Variants in AUTS2 observed in about 807,000 individuals in gnomAD.
AUTS2 encodes activator of transcription and developmental regulator AUTS2.
In AUTS2, 17 loss-of-function variants were observed where a neutral mutation model predicts 112.4. The observed-to-expected ratio is 0.15, with a 90% CI of 0.10 to 0.23. AUTS2 has a LOEUF of 0.23. Ranked by LOEUF, AUTS2 falls within the 10% of genes least tolerant of loss-of-function variation. The pLI, the probability that AUTS2 is intolerant of heterozygous loss-of-function variation, is 1.00. For synonymous variants in AUTS2, 751 were observed against 702.7 expected (o/e 1.07, Z -1.09); for missense variants, 1,510 against 1,701.6 (o/e 0.89, Z 1.98).
At chr7:70,765,085 A>C (rs1378206052) in intron 8 of AUTS2, 80 bp downstream of exon 8, 2 of 1,540,538 alleles carry the variant, frequency 1.3e-6, no homozygotes, top group East Asian at 4.7e-5. Flanking sequence ...TGTTGTCCCG[A>C]TTGCAAGGTT....
At chr7:70,604,780 T>A (rs1439645367) in intron 5 of AUTS2, among the ~76,000 whole-genome samples, 1 of 152,158 alleles carries the variant, frequency 6.6e-6, no homozygotes, top group Non-Finnish European at 1.5e-5. Flanking sequence ...AGCTCTGCCT[T>A]CTGGTACCTT....
intron 5 of AUTS2, among the ~76,000 whole-genome samples, chr7:70,657,477 G>T (rs777028032): frequency 2.0e-5 from 3 of 152,174 alleles, no homozygotes; most frequent in Non-Finnish European, 4.4e-5. Flanking sequence ...AGAGAGCTGG[G>T]AAAGGAAGCA....
Position 70,781,715 on chromosome 7 carries a change from C to T in AUTS2, c.2105C>T (p.Pro702Leu), listed in dbSNP as rs1585682518. The change falls in exon 15 of 19, where the codon CCC (proline) becomes CTC (leucine). Residue 702 changes from proline to leucine, a missense_variant. By Grantham distance (98) the Pro-to-Leu change is moderately conservative. Around this residue, in one of 3 missense-constraint regions of AUTS2, gnomAD observed 187 missense variants for 309.7 expected, o/e 0.60. Coordinates refer to ENST00000342771, the MANE Select transcript of AUTS2 (RefSeq NM_015570.4). ...GPSLFGAIHH[P>L]HDLARPSTLF... is the part of the protein sequence containing the mutation. Reference sequence around the variant, plus strand: ...AGTCTTTTTGGAGCCATCCACCACCCCCATGACCTGGCACGGCCTTCAACT... The same window carrying T: ...AGTCTTTTTGGAGCCATCCACCACCTCCATGACCTGGCACGGCCTTCAACT... The T allele has an allele frequency of 6.2e-7, 1 of 1,614,212 alleles. No individual in the cohort carries two copies. Among genetic ancestry groups the T allele is most frequent in the East Asian group, 2.2e-5 (1 of 44,888 alleles).
rs1011719036 is a variant in AUTS2, at chr7:70,016,668, ATT to A, written c.523-101448_523-101447del. 7.8e-4 allele frequency among the ~76,000 whole-genome samples: 110 copies of A among 140,676 alleles called. 1 individual carries two copies. The East Asian group carries it at 0.017, about 22-fold the overall frequency. The allele number at this position is 140,676 out of a possible 152,430, so 92.3% of individuals were successfully genotyped here. ...AGAAGGTTGCACAATGCCTTGACAG[ATT>A]TTTTTTTTTTTTTTTGAAACGGAGT... On this transcript the variant is annotated intron_variant, in intron 2 of 18. Coordinates refer to ENST00000342771, the MANE Select transcript of AUTS2 (RefSeq NM_015570.4).
intron 5 of AUTS2, among the ~76,000 whole-genome samples, chr7:70,585,679 C>G (rs1174377570): frequency 6.6e-6 from 1 of 152,074 alleles, no homozygotes; most frequent in African/African-American, 2.4e-5. Flanking sequence ...TTAAAAGTAT[C>G]CGAGTTTGAA....
intron 5 of AUTS2, among the ~76,000 whole-genome samples, chr7:70,689,128 AGGAGGATCACTT>A (rs1342826424): frequency 6.6e-6 from 1 of 151,366 alleles, no homozygotes; most frequent in East Asian, 2.0e-4. Context: ...AGGCAGAGGC[AGGAGGATCACTT>A]GAGGCCACGA....
intron 2 of AUTS2, among the ~76,000 whole-genome samples, chr7:69,962,385 G>A (rs1276219666): frequency 6.6e-6 from 1 of 152,156 alleles, no homozygotes; most frequent in Non-Finnish European, 1.5e-5. Context: ...GAAATGCTCA[G>A]ATGATATGCA....
intron 1 of AUTS2, among the ~76,000 whole-genome samples, chr7:69,632,477 T>C (rs966264774): frequency 8.5e-5 from 13 of 152,146 alleles, no homozygotes; most frequent in African/African-American, 3.1e-4. Flanking sequence ...GTCTATCTCT[T>C]AGGCTGACGT....
intron 1 of AUTS2, among the ~76,000 whole-genome samples, chr7:69,867,251 A>G (rs1793278263): frequency 6.6e-6 from 1 of 152,204 alleles, no homozygotes; most frequent in South Asian, 2.1e-4. Flanking sequence ...ATAGGCCTTG[A>G]GGACTTGGTG....
intron 1 of AUTS2, among the ~76,000 whole-genome samples, chr7:69,765,829 C>T (rs1170653319): frequency 6.6e-6 from 1 of 152,014 alleles, no homozygotes; most frequent in Non-Finnish European, 1.5e-5. Flanking sequence ...TGCCTGTAGT[C>T]CCAGGTACTT....
intron 6 of AUTS2, among the ~76,000 whole-genome samples, chr7:70,760,226 C>T (rs997919446): frequency 1.1e-4 from 17 of 152,154 alleles, no homozygotes; most frequent in African/African-American, 3.6e-4. Flanking sequence ...AGGATGGTCT[C>T]GATCTCCTGA....
chr7:70,226,487 G>A (rs991679429), intron 4 of AUTS2, among the ~76,000 whole-genome samples: 1 of 151,346 alleles, frequency 6.6e-6, no homozygotes, highest in African/African-American at 2.4e-5. Context: ...TTAGAGTCGT[G>A]AGCCACCATA....
At chr7:70,311,355 G>A (rs1789741804) in intron 4 of AUTS2, among the ~76,000 whole-genome samples, 1 of 152,096 alleles carries the variant, frequency 6.6e-6, no homozygotes, top group African/African-American at 2.4e-5. Context: ...CAATAATAAT[G>A]TCGTGTCCCC....
At chr7:69,736,338 A>T (rs1787030401) in intron 1 of AUTS2, among the ~76,000 whole-genome samples, 1 of 152,148 alleles carries the variant, frequency 6.6e-6, no homozygotes, top group Non-Finnish European at 1.5e-5. Flanking sequence ...AGGCATCTGA[A>T]TTGGGAAACC....
intron 6 of AUTS2, among the ~76,000 whole-genome samples, chr7:70,725,743 C>G (rs1213259774): frequency 6.6e-6 from 1 of 152,022 alleles, no homozygotes; most frequent in African/African-American, 2.4e-5. Flanking sequence ...ATTTGAAAGC[C>G]CTGAAGTGGT....
intron 1 of AUTS2, among the ~76,000 whole-genome samples, chr7:69,766,245 C>G (rs958627576): frequency 6.6e-6 from 1 of 152,184 alleles, no homozygotes; most frequent in Admixed American, 6.5e-5. Flanking sequence ...AACATACCCT[C>G]AAGGTTCATT....
At position 70,435,795 on chromosome 7, in the gene AUTS2, T is replaced by TC. The variant is rs755629704; in HGVS notation, c.690+19dup. 26 of 1,612,444 alleles carry TC rather than the reference T, an allele frequency of 1.6e-5. No homozygotes were observed. Among genetic ancestry groups the TC allele is most frequent in the Non-Finnish European group, 2.1e-5 (25 of 1,178,754 alleles). On this transcript the variant is annotated intron_variant, in intron 5 of 18. Coordinates refer to ENST00000342771, the MANE Select transcript of AUTS2 (RefSeq NM_015570.4). ...CAGGAAGAGAAGGTAAGACCCCCCCTCCCCCATTGTGGGCACAGCACATAA... is the reference window on the plus strand; with the variant it reads ...CAGGAAGAGAAGGTAAGACCCCCCCTCCCCCCATTGTGGGCACAGCACATAA...
intron 5 of AUTS2, among the ~76,000 whole-genome samples, chr7:70,482,603 G>A (rs1038347864): frequency 6.6e-6 from 1 of 152,180 alleles, no homozygotes; most frequent in Non-Finnish European, 1.5e-5. Flanking sequence ...GCATATCTGG[G>A]ATAAGAGGGA....
chr7:70,510,540 C>T (rs1219797532), intron 5 of AUTS2, among the ~76,000 whole-genome samples: 1 of 152,180 alleles, frequency 6.6e-6, no homozygotes, highest in Non-Finnish European at 1.5e-5. Context: ...AAACTATTTT[C>T]CCAATAATAA....
Sources: gnomAD v4.1 joint callset for allele counts (sites outside exome capture counted in the v4.1 genomes callset) on GRCh38, gnomAD v4.1.1 for gene constraint, gnomAD v4.1.1 regional missense constraint, MANE v1.5 for transcripts, NCBI Gene and HGNC (gene_info 2026-07-23, HGNC 2026-07-21) for gene names.